Variants in PPM1H observed in about 807,000 individuals in gnomAD.
PPM1H encodes protein phosphatase, Mg2+/Mn2+ dependent 1H, also known as protein phosphatase 1H.
PPM1H carries 27 observed loss-of-function variants against 54.9 expected under a neutral mutation model. That is an observed-to-expected ratio of 0.49 (90% confidence interval 0.36 to 0.68). PPM1H has a LOEUF of 0.68. Ranked by LOEUF, PPM1H falls within the 30% of genes least tolerant of loss-of-function variation. The pLI is 0.00. For missense variants in PPM1H, 596 were observed against 667.8 expected, an observed-to-expected ratio of 0.89 and a Z score of 1.19; for synonymous variants, 305 against 270.8, an observed-to-expected ratio of 1.13 and a Z score of -1.24.
At chr12:62,750,623 G>A (rs1485657231) in intron 4 of PPM1H, among the ~76,000 whole-genome samples, 1 of 152,048 alleles carries the variant, frequency 6.6e-6, no homozygotes, top group East Asian at 1.9e-4. Context: ...GTTCTCTTGG[G>A]CATATACCCA....
intron 2 of PPM1H, among the ~76,000 whole-genome samples, chr12:62,813,237 G>A (rs532381010): frequency 8.3e-4 from 126 of 152,234 alleles, no homozygotes; most frequent in Admixed American, 1.4e-3. Context: ...AGGAAACGAC[G>A]GTTTTGCCTT....
intron 8 of PPM1H, among the ~76,000 whole-genome samples, chr12:62,682,716 C>T (rs1337026198): frequency 1.3e-5 from 2 of 152,152 alleles, no homozygotes; most frequent in Non-Finnish European, 2.9e-5. Context: ...ATTGTCCAAG[C>T]TGGTCTTGAA....
intron 1 of PPM1H, among the ~76,000 whole-genome samples, chr12:62,913,353 T>C (rs560005832): frequency 1.3e-5 from 2 of 152,144 alleles, no homozygotes; most frequent in South Asian, 4.2e-4. Context: ...ATGCGCACAT[T>C]TTCAAAGTGA....
chr12:62,755,093 T>C, intron 4 of PPM1H: 1 of 369,192 alleles, frequency 2.7e-6, no homozygotes, highest in Admixed American at 3.9e-5. Context: ...CTTTGGATGG[T>C]GAGAATATCA....
intron 1 of PPM1H, among the ~76,000 whole-genome samples, chr12:62,854,157 A>T (rs1352170209): frequency 6.6e-6 from 1 of 152,232 alleles, no homozygotes; most frequent in Non-Finnish European, 1.5e-5. Flanking sequence ...AAAAGAGATC[A>T]GCTTTTTCTT....
chr12:62,827,029 T>C (rs912031023), intron 2 of PPM1H, among the ~76,000 whole-genome samples: 4 of 152,218 alleles, frequency 2.6e-5, no homozygotes, highest in Non-Finnish European at 1.5e-5. Flanking sequence ...CTTTTATACC[T>C]TCTGTGTCAC....
At chr12:62,892,753 C>T (rs1202247470) in intron 1 of PPM1H, among the ~76,000 whole-genome samples, 2 of 152,112 alleles carry the variant, frequency 1.3e-5, no homozygotes, top group Non-Finnish European at 2.9e-5. Flanking sequence ...TGATAAGATG[C>T]TATCAACAGT....
At chr12:62,653,825 C>A (rs1482943959) in intron 9 of PPM1H, among the ~76,000 whole-genome samples, 1 of 152,066 alleles carries the variant, frequency 6.6e-6, no homozygotes, top group Admixed American at 6.5e-5. Flanking sequence ...TAGACATGAT[C>A]AGGGCAGGGG....
chr12:62,734,762 C>CTG (rs1367190019), intron 5 of PPM1H, among the ~76,000 whole-genome samples: 11 of 152,148 alleles, frequency 7.2e-5, no homozygotes, highest in African/African-American at 2.7e-4. Context: ...AGGAGGTGGG[C>CTG]TGTGCATAGT....
chr12:62,718,424 T>C lies in PPM1H; in HGVS notation c.1073+1747A>G, dbSNP rs117619872. Among the ~76,000 whole-genome samples the C allele has an allele frequency of 2.2e-3, 330 of 152,298 alleles. 8 individuals are homozygous for C. In the East Asian group the frequency reaches 0.043, roughly 20 times the overall value. ...TAGTCAATCTCATTCCAACTTCTCTTAGAATGGCCCTCCAAAAACATCACT... is the reference window on the plus strand; with the variant it reads ...TAGTCAATCTCATTCCAACTTCTCTCAGAATGGCCCTCCAAAAACATCACT... On this transcript the variant is annotated intron_variant, in intron 6 of 9. Transcript: ENST00000228705.
intron 9 of PPM1H, 110 bp downstream of exon 9, chr12:62,667,068 C>A: frequency 1.6e-6 from 2 of 1,254,446 alleles, no homozygotes; most frequent in South Asian, 3.0e-5. Context: ...ACTGTACCGT[C>A]CATATCAGCC....
At chr12:62,749,781 A>G (rs2076431475) in intron 4 of PPM1H, among the ~76,000 whole-genome samples, 1 of 152,260 alleles carries the variant, frequency 6.6e-6, no homozygotes, top group Non-Finnish European at 1.5e-5. Context: ...TGGTCAAGGG[A>G]AAAATATTTC....
intron 3 of PPM1H, 74 bp downstream of exon 3, chr12:62,801,742 C>A (rs999993318): frequency 3.9e-6 from 6 of 1,523,344 alleles, no homozygotes; most frequent in Admixed American, 2.0e-5. Flanking sequence ...TCTGGGAGCC[C>A]TCCAGGAAGG....
chr12:62,730,649 A>C (rs1438679324), intron 5 of PPM1H, among the ~76,000 whole-genome samples: 1 of 152,008 alleles, frequency 6.6e-6, no homozygotes, highest in Non-Finnish European at 1.5e-5. Flanking sequence ...TGTACAATAC[A>C]AAACTTTTTT....
intron 4 of PPM1H, among the ~76,000 whole-genome samples, chr12:62,782,327 C>G (rs187302379): frequency 1.2e-3 from 190 of 152,284 alleles, no homozygotes; most frequent in Middle Eastern, 6.8e-3. Context: ...GGGAAGAAAC[C>G]TGGAGAGAAG....
At chr12:62,906,383 T>C (rs138261226) in intron 1 of PPM1H, among the ~76,000 whole-genome samples, 1,709 of 152,336 alleles carry the variant, frequency 0.011, 25 homozygotes, top group Non-Finnish European at 0.019. Context: ...TTGTGTGCTG[T>C]TTCCAGTGTC....
intron 1 of PPM1H, among the ~76,000 whole-genome samples, chr12:62,900,681 C>A (rs571676505): frequency 6.6e-6 from 1 of 151,742 alleles, no homozygotes; most frequent in African/African-American, 2.4e-5. Context: ...CTCCTACAGG[C>A]CAACATTGTC....
intron 2 of PPM1H, among the ~76,000 whole-genome samples, chr12:62,816,798 C>T (rs2076869057): frequency 6.6e-6 from 1 of 151,612 alleles, no homozygotes; most frequent in Middle Eastern, 3.2e-3. Flanking sequence ...GTTCTTCCCA[C>T]TTAAAGCTGT....
intron 4 of PPM1H, among the ~76,000 whole-genome samples, chr12:62,773,331 C>G (rs1295986340): frequency 6.6e-6 from 1 of 151,424 alleles, no homozygotes; most frequent in East Asian, 2.0e-4. Context: ...ATAAATTAGC[C>G]AGGTGTGGTG....
Sources: allele counts gnomAD v4.1 joint callset (sites outside exome capture counted in the v4.1 genomes callset), GRCh38; gene constraint gnomAD v4.1.1; transcripts MANE v1.5; gene names NCBI Gene and HGNC (gene_info 2026-07-23, HGNC 2026-07-21).